Variants in MARCHF1 observed in about 807,000 individuals in gnomAD.
MARCHF1 encodes the protein E3 ubiquitin-protein ligase MARCHF1.
A neutral mutation model predicts 54.2 loss-of-function variants in MARCHF1; 40 were observed. The observed-to-expected ratio is 0.74, with a 90% confidence interval of 0.57 to 0.96. MARCHF1 has a LOEUF of 0.96. Ranked by LOEUF, MARCHF1 falls within the 40% of genes least tolerant of loss-of-function variation. MARCHF1 has a pLI of 0.00. For missense variants in MARCHF1, 586 were observed against 656.5 expected, an observed-to-expected ratio of 0.89 and a Z score of 1.17; for synonymous variants, 236 against 236.3, an observed-to-expected ratio of 1.00 and a Z score of 0.01.
At chr4:163,788,278 T>C (rs910915430) in intron 4 of MARCHF1, among the ~76,000 whole-genome samples, 32 of 152,036 alleles carry the variant, frequency 2.1e-4, no homozygotes, top group Admixed American at 2.0e-3. Context: ...TTTAGGTTTA[T>C]AGAAGTTACA....
intron 1 of MARCHF1, among the ~76,000 whole-genome samples, chr4:164,279,639 T>C (rs1733975131): frequency 6.6e-6 from 1 of 151,678 alleles, no homozygotes; most frequent in Non-Finnish European, 1.5e-5. Flanking sequence ...TATCACTCTG[T>C]ATCCCACGAA....
At chr4:164,244,669 G>T (rs993983013) in intron 1 of MARCHF1, among the ~76,000 whole-genome samples, 1 of 151,078 alleles carries the variant, frequency 6.6e-6, no homozygotes, top group Non-Finnish European at 1.5e-5. Context: ...GAATCCAGGA[G>T]CTGGTTTTTT....
chr4:163,993,027 G>A (rs2110897242), intron 2 of MARCHF1, among the ~76,000 whole-genome samples: 1 of 152,018 alleles, frequency 6.6e-6, no homozygotes, highest in Non-Finnish European at 1.5e-5. Context: ...ATATGGATAA[G>A]TTATCATGGC....
At chr4:163,590,081 T>TGTGTGTGTGTGTGTGTGTGTGC (rs1418994546) in intron 7 of MARCHF1, among the ~76,000 whole-genome samples, 2 of 151,798 alleles carry the variant, frequency 1.3e-5, no homozygotes, top group Non-Finnish European at 2.9e-5. Context: ...TGTGTGTGTG[T>TGTGTGTGTGTGTGTGTGTGTGC]GCTTCACATC....
rs1351074899 is a variant in MARCHF1 at position 164,143,074 on chromosome 4, A to G, written c.-322-31412T>C. ...ATCAACTGGAAGAAAGGGTATCAGCAATGGAAGATGAAATGAATGAAATGA... is the reference window on the plus strand; with the variant it reads ...ATCAACTGGAAGAAAGGGTATCAGCGATGGAAGATGAAATGAATGAAATGA... On this transcript the variant is annotated intron_variant, in intron 1 of 9. Coordinates refer to ENST00000514618, the MANE Select transcript of MARCHF1 (RefSeq NM_001394959.1). 4.1e-5 allele frequency among the ~76,000 whole-genome samples: 6 copies of G among 147,020 alleles called. No individual in the cohort carries two copies. The South Asian group carries it at 9.1e-4, about 22-fold the overall frequency.
chr4:163,846,162 T>C (rs993912577), intron 4 of MARCHF1, among the ~76,000 whole-genome samples: 3 of 152,130 alleles, frequency 2.0e-5, no homozygotes, highest in Non-Finnish European at 4.4e-5. Context: ...TAAGAAAGAA[T>C]TAAAAGGAGG....
chr4:164,069,365 C>T (rs994319117), intron 2 of MARCHF1, among the ~76,000 whole-genome samples: 27 of 152,144 alleles, frequency 1.8e-4, no homozygotes, highest in Non-Finnish European at 2.9e-4. Flanking sequence ...TTCCACACTG[C>T]GGAAGCTTTG....
intron 5 of MARCHF1, among the ~76,000 whole-genome samples, chr4:163,688,638 T>C (rs1324953333): frequency 6.6e-6 from 1 of 152,190 alleles, no homozygotes; most frequent in Non-Finnish European, 1.5e-5. Context: ...TTTTTTAAGA[T>C]ACACCAATTT....
chr4:164,021,464 C>A (rs1281989166), intron 2 of MARCHF1, among the ~76,000 whole-genome samples: 1 of 151,956 alleles, frequency 6.6e-6, no homozygotes, highest in Admixed American at 6.6e-5. Flanking sequence ...TTCCTTGAGC[C>A]TTTGAAATTA....
chr4:164,176,987 T>TATATATA (rs1553989388), intron 1 of MARCHF1, among the ~76,000 whole-genome samples: 1 of 65,382 alleles, frequency 1.5e-5, no homozygotes, highest in African/African-American at 8.8e-5. Flanking sequence ...TCTCTATATA[T>TATATATA]ATATATATAT....
At chr4:163,622,209 C>T (rs1427369914) in intron 5 of MARCHF1, among the ~76,000 whole-genome samples, 1 of 151,850 alleles carries the variant, frequency 6.6e-6, no homozygotes. Context: ...TTGGCATTGT[C>T]AGTGACAGAT....
chr4:164,273,178 A>G (rs1733784931), intron 1 of MARCHF1, among the ~76,000 whole-genome samples: 1 of 152,042 alleles, frequency 6.6e-6, no homozygotes, highest in South Asian at 2.1e-4. Flanking sequence ...CTCACAGTTC[A>G]GTACAGCTTG....
At chr4:163,960,899 T>C (rs1752333848) in intron 3 of MARCHF1, among the ~76,000 whole-genome samples, 2 of 151,662 alleles carry the variant, frequency 1.3e-5, no homozygotes, top group Non-Finnish European at 2.9e-5. Context: ...AAAATCAAGG[T>C]GCTGTCAGGG....
chr4:163,897,458 G>C (rs779204228), intron 3 of MARCHF1, among the ~76,000 whole-genome samples: 57 of 152,052 alleles, frequency 3.7e-4, no homozygotes, highest in African/African-American at 1.3e-3. Flanking sequence ...CACACTCTCT[G>C]ACTTCAAATT....
At chr4:164,220,026 A>G (rs892462018) in intron 1 of MARCHF1, among the ~76,000 whole-genome samples, 4 of 151,850 alleles carry the variant, frequency 2.6e-5, no homozygotes, top group African/African-American at 9.7e-5. Context: ...CTTTGTATGT[A>G]TCTAAACTAG....
rs928594809 is a variant in MARCHF1 at position 164,143,906 on chromosome 4, G to C, written c.-322-32244C>G. ...TTGGATAAAGAGTCAAGACCCATCA[G>C]TGTGCTGTATTCATGAAACCCATCT... On this transcript the variant is annotated intron_variant, in intron 1 of 9. Coordinates refer to ENST00000514618, the MANE Select transcript of MARCHF1 (RefSeq NM_001394959.1). 4.3e-4 allele frequency among the ~76,000 whole-genome samples: 65 copies of C among 152,276 alleles called. 1 individual carries two copies. The highest frequency in any genetic ancestry group is 7.5e-4 in the Non-Finnish European group (51 of 68,024).
chr4:164,238,657 CA>C (rs201887167), intron 1 of MARCHF1, among the ~76,000 whole-genome samples: 5,547 of 151,864 alleles, frequency 0.037, 241 homozygotes, highest in African/African-American at 0.1. Context: ...GCTATATTAA[CA>C]TTGAATCCAG....
rs559343898 is a variant in MARCHF1, at chr4:164,047,338, G to A, written c.-247-58629C>T. 1.3e-3 allele frequency among the ~76,000 whole-genome samples: 192 copies of A among 152,272 alleles called. 1 individual carries two copies. The highest frequency in any genetic ancestry group is 4.5e-3 in the African/African-American group (185 of 41,556). ...TACAATCATGTGACTGGGCCTAGGA[G>A]GGGACTTTCCTCCAGGCCTCAGATA... On this transcript the variant is annotated intron_variant, in intron 2 of 9. Transcript: ENST00000514618.
chr4:163,951,334 T>C (rs1252677830), intron 3 of MARCHF1, among the ~76,000 whole-genome samples: 1 of 152,198 alleles, frequency 6.6e-6, no homozygotes, highest in Non-Finnish European at 1.5e-5. Flanking sequence ...TCTAGATGCA[T>C]GTAACTACGA....
Sources: gnomAD v4.1 joint callset for allele counts (sites outside exome capture counted in the v4.1 genomes callset) on GRCh38, gnomAD v4.1.1 for gene constraint, MANE v1.5 for transcripts, NCBI Gene and HGNC (gene_info 2026-07-23, HGNC 2026-07-21) for gene names.